Variants in ZNF366 observed in about 807,000 individuals in gnomAD.
ZNF366 encodes the protein zinc finger protein 366, also known as dendritic cell-specific transcript protein.
ZNF366 carries 20 observed loss-of-function variants against 47.2 expected under a neutral mutation model. The ratio of observed to expected loss-of-function variants is 0.42; its 90% CI spans 0.30 to 0.62. The LOEUF is 0.62. ZNF366 is among the 20% of genes least tolerant of loss of function. The pLI is 0.16. For synonymous variants in ZNF366, 421 were observed against 395.1 expected (o/e 1.07, Z -0.78); for missense variants, 987 against 976.3 (o/e 1.01, Z -0.15).
intron 1 of ZNF366, among the ~76,000 whole-genome samples, chr5:72,463,584 A>C (rs935276441): frequency 1.3e-5 from 2 of 152,124 alleles, no homozygotes; most frequent in African/African-American, 4.8e-5. Flanking sequence ...ATCTTCTTCC[A>C]CTGCTGCCTC....
In ZNF366 at chr5:72,460,479, G is replaced by T. The variant is rs768768097; in HGVS notation, c.1018C>A (p.Arg340Ser). 5 of 1,613,828 alleles carry T rather than the reference G, an allele frequency of 3.1e-6. No individual in the cohort carries two copies. The highest frequency in any genetic ancestry group is 4.2e-6 in the Non-Finnish European group (5 of 1,179,964). The change falls in exon 2 of 5, where the codon CGC (arginine) becomes AGC (serine). Residue 340 changes from arginine to serine, a missense_variant. Around this residue, in one of 3 missense-constraint regions of ZNF366, gnomAD observed 591 missense variants for 560.9 expected, o/e 1.05. Transcript: ENST00000318442. ...QHSEVKPHNC[R>S]VCGRGFAYPS... ...TAGGCAAAGCCGCGGCCGCACACGC[G>T]GCAGTTGTGCGGCTTCACCTCGCTG...
rs72761197 is a variant in ZNF366, at chr5:72,488,714, C to T, written c.-15+18537G>A. Among the ~76,000 whole-genome samples, 1,312 of 152,186 alleles carry T rather than the reference C, an allele frequency of 8.6e-3. 18 individuals carry two copies. Among genetic ancestry groups the T allele is most frequent in the South Asian group, 0.048 (231 of 4,822 alleles). On this transcript the variant is annotated intron_variant, in intron 1 of 4. Coordinates refer to ENST00000318442, the MANE Select transcript of ZNF366 (RefSeq NM_152625.3). ...GGGGCATGTGCATACCCCCTTAAGC[C>T]CCAAGAACACTTTAGCCCAGCAACC...
At chr5:72,492,852 T>C (rs1427752054) in intron 1 of ZNF366, among the ~76,000 whole-genome samples, 2 of 152,222 alleles carry the variant, frequency 1.3e-5, no homozygotes, top group African/African-American at 4.8e-5. Flanking sequence ...TGATGGTTTT[T>C]AATGAGGAAT....
chr5:72,468,472 CA>C (rs1195505594), intron 1 of ZNF366, among the ~76,000 whole-genome samples: 6 of 152,136 alleles, frequency 3.9e-5, no homozygotes, highest in African/African-American at 1.4e-4. Flanking sequence ...ATTGAACTCA[CA>C]AAATCAATTT....
chr5:72,448,262 G>A (rs1224129895), intron 3 of ZNF366, among the ~76,000 whole-genome samples: 6 of 146,222 alleles, frequency 4.1e-5, no homozygotes, highest in African/African-American at 1.5e-4. Flanking sequence ...CAGGTGTACA[G>A]GAAGTAAGCA....
intron 2 of ZNF366, among the ~76,000 whole-genome samples, chr5:72,457,787 G>T (rs924033933): frequency 6.6e-6 from 1 of 152,068 alleles, no homozygotes; most frequent in African/African-American, 2.4e-5. Context: ...GAACCCTGGG[G>T]TTCTTTCTAA....
At chr5:72,498,807 C>A (rs976647594) in intron 1 of ZNF366, among the ~76,000 whole-genome samples, 1 of 152,150 alleles carries the variant, frequency 6.6e-6, no homozygotes. Context: ...ATGTACCTAG[C>A]GATAGCACTT....
intron 1 of ZNF366, among the ~76,000 whole-genome samples, chr5:72,476,879 G>A (rs1743684287): frequency 6.6e-6 from 1 of 151,564 alleles, no homozygotes; most frequent in South Asian, 2.1e-4. Context: ...GAGGAAGAGG[G>A]CAGGATGCTT....
chr5:72,472,356 T>G (rs1018352188), intron 1 of ZNF366, among the ~76,000 whole-genome samples: 1 of 152,262 alleles, frequency 6.6e-6, no homozygotes, highest in African/African-American at 2.4e-5. Context: ...AATGTTCTTT[T>G]TTTGTGTGTT....
chr5:72,441,775 G>A lies in ZNF366; in HGVS notation c.*1981C>T, dbSNP rs1193033279. 1.3e-5 allele frequency: 2 copies of A among 152,244 alleles called. No homozygotes were observed. Among genetic ancestry groups the A allele is most frequent in the Non-Finnish European group, 2.9e-5 (2 of 68,060 alleles). 9.4% of individuals were successfully genotyped at this position (152,244 alleles called of 1,614,324 possible). On this transcript the variant is annotated 3_prime_UTR_variant, in exon 5 of 5. Transcript: ENST00000318442. Reference sequence around the variant, plus strand: ...TGTACTGGGAAATCTGGGATAGGATGAAGCACAATAATAACCAGTACCTAG... The same window carrying A: ...TGTACTGGGAAATCTGGGATAGGATAAAGCACAATAATAACCAGTACCTAG...
chr5:72,497,363 T>C (rs1744136313), intron 1 of ZNF366, among the ~76,000 whole-genome samples: 1 of 152,166 alleles, frequency 6.6e-6, no homozygotes, highest in African/African-American at 2.4e-5. Flanking sequence ...TTGTTATGGA[T>C]ATGGAATCGT....
intron 4 of ZNF366, among the ~76,000 whole-genome samples, chr5:72,445,067 C>T (rs1278963540): frequency 1.3e-5 from 2 of 152,198 alleles, no homozygotes; most frequent in African/African-American, 4.8e-5. Context: ...CAACAGCCTA[C>T]TCATAGACAG....
chr5:72,466,029 T>A (rs1241607566), intron 1 of ZNF366, among the ~76,000 whole-genome samples: 1 of 152,204 alleles, frequency 6.6e-6, no homozygotes. Flanking sequence ...AGAGGGGGAC[T>A]GGGTTGTGAT....
chr5:72,494,287 C>G (rs887795842), intron 1 of ZNF366: 1 of 152,136 alleles, frequency 6.6e-6, no homozygotes, highest in Admixed American at 6.6e-5. Context: ...CTGTAGTTTC[C>G]TCATCTCTAA....
At chr5:72,454,364 C>G (rs562037322) in intron 3 of ZNF366, among the ~76,000 whole-genome samples, 3 of 152,320 alleles carry the variant, frequency 2.0e-5, no homozygotes, top group African/African-American at 7.2e-5. Context: ...AGAGAACCCT[C>G]TAGATCCTCA....
At chr5:72,501,822 C>T (rs1744215654) in intron 1 of ZNF366, among the ~76,000 whole-genome samples, 1 of 152,182 alleles carries the variant, frequency 6.6e-6, no homozygotes, top group South Asian at 2.1e-4. Flanking sequence ...AAATAAAATG[C>T]AACAACAGTC....
intron 4 of ZNF366, among the ~76,000 whole-genome samples, chr5:72,445,014 T>C (rs1742931387): frequency 6.6e-6 from 1 of 152,142 alleles, no homozygotes; most frequent in South Asian, 2.1e-4. Flanking sequence ...AAAGAGAACC[T>C]ATTTGGGGCA....
rs1744340191 is a variant in ZNF366 at position 72,507,359 on chromosome 5, AG to A, written c.-124del. The A allele has an allele frequency of 1.0e-6, 1 of 985,288 alleles. No homozygotes were observed. Among genetic ancestry groups the A allele is most frequent in the African/African-American group, 1.7e-5 (1 of 57,204 alleles). The allele number at this position is 985,288 out of a possible 1,614,324, so 61.0% of individuals were successfully genotyped here. ...CCTCTTTCTCTTGTGTACAGATTGC[AG>A]GGAACTTAAAGAACTCGCAGGGACA... On this transcript the variant is annotated 5_prime_UTR_variant, in exon 1 of 5. Transcript: ENST00000318442.
intron 1 of ZNF366, among the ~76,000 whole-genome samples, chr5:72,505,658 A>C (rs151089218): frequency 2.0e-5 from 3 of 152,372 alleles, no homozygotes; most frequent in Admixed American, 6.5e-5. Context: ...ACAAAATTCA[A>C]TACATTATCA....
Sources: allele counts gnomAD v4.1 joint callset (sites outside exome capture counted in the v4.1 genomes callset), GRCh38; gene constraint gnomAD v4.1.1; regional missense constraint gnomAD v4.1.1; transcripts MANE v1.5; gene names NCBI Gene and HGNC (gene_info 2026-07-23, HGNC 2026-07-21).